Variants in ATG3 observed in about 807,000 individuals in gnomAD.
The protein encoded by ATG3 is autophagy related 3, also known as ubiquitin-like-conjugating enzyme ATG3.
ATG3 carries 25 observed loss-of-function variants against 50.7 expected under a neutral mutation model. The ratio of observed to expected loss-of-function variants is 0.49; its 90% CI spans 0.36 to 0.69. The LOEUF is 0.69. Among genes scored for constraint, ATG3 ranks in the 30% least tolerant of loss-of-function variants. The pLI is 0.00. For missense variants in ATG3, 281 were observed against 376.0 expected, an observed-to-expected ratio of 0.75 and a Z score of 2.09; for synonymous variants, 119 against 125.5, an observed-to-expected ratio of 0.95 and a Z score of 0.34.
chr3:112,540,631 G>GGA (rs1933199732), intron 7 of ATG3, among the ~76,000 whole-genome samples: 1 of 145,068 alleles, frequency 6.9e-6, no homozygotes, highest in African/African-American at 2.5e-5. Flanking sequence ...TAAGCAAGGG[G>GGA]AAAAAAAAAA....
At chr3:112,545,696 A>G (rs1380908120) in intron 5 of ATG3, among the ~76,000 whole-genome samples, 2 of 152,258 alleles carry the variant, frequency 1.3e-5, no homozygotes, top group Admixed American at 6.5e-5. Context: ...TCAAAATATA[A>G]TAAGTAGTAC....
intron 6 of ATG3, 74 bp downstream of exon 6, chr3:112,543,983 A>G (rs1933300530): frequency 1.9e-6 from 2 of 1,061,006 alleles, no homozygotes; most frequent in Non-Finnish European, 2.8e-6. Context: ...GTGATTATAT[A>G]TGTGTGTGTA....
rs1339298319 is a variant in ATG3, at chr3:112,561,718, G to A, written c.-190C>T. 3.7e-5 allele frequency: 22 copies of A among 599,244 alleles called. No homozygotes were observed. In the South Asian group the frequency reaches 4.6e-4, roughly 13 times the overall value. 37.1% of individuals were successfully genotyped at this position (599,244 alleles called of 1,614,324 possible). On this transcript the variant is annotated 5_prime_UTR_variant, in exon 1 of 12. Coordinates refer to ENST00000283290, the MANE Select transcript of ATG3 (RefSeq NM_022488.5). ...GGGCGGGGCGGCAGGCACAGCGCGC[G>A]AAGACGGGGTGCGCGATCCTCGCAC...
At position 112,553,261 on chromosome 3, in the gene ATG3, T is replaced by G; in HGVS notation, c.164+19A>C. On this transcript the variant is annotated intron_variant, in intron 3 of 11. Transcript: ENST00000283290. ...CATGCATTTTACTAATTTTCTATTC[T>G]TTACTCAATATTACTTACCATTGCC... 6.3e-7 allele frequency: 1 copy of G among 1,590,754 alleles called. No homozygotes were observed. Among genetic ancestry groups the G allele is most frequent in the Non-Finnish European group, 8.6e-7 (1 of 1,160,340 alleles).
intron 3 of ATG3, among the ~76,000 whole-genome samples, chr3:112,552,649 A>AT (rs1161759705): frequency 1.5e-3 from 210 of 144,358 alleles, no homozygotes; most frequent in South Asian, 2.8e-3. Context: ...CTGTTCAAAA[A>AT]TTTTTTTTTT....
At chr3:112,548,993 G>A (rs1933451419) in intron 4 of ATG3, among the ~76,000 whole-genome samples, 1 of 152,150 alleles carries the variant, frequency 6.6e-6, no homozygotes, top group Admixed American at 6.5e-5. Context: ...TTATTTTAAT[G>A]GCTTTACTTT....
intron 6 of ATG3, among the ~76,000 whole-genome samples, chr3:112,542,407 T>C (rs1218541457): frequency 6.6e-6 from 1 of 152,138 alleles, no homozygotes; most frequent in Admixed American, 6.5e-5. Flanking sequence ...ATATTAGCTC[T>C]AAAGTGAAAG....
chr3:112,534,363 G>C (rs1352970638), intron 10 of ATG3, 26 bp from the exon 11 acceptor site: 7 of 1,274,950 alleles, frequency 5.5e-6, no homozygotes, highest in Non-Finnish European at 7.6e-6. Context: ...AAAAAAAATT[G>C]TTAATGTAGA....
chr3:112,533,524 C>T (rs145300072), intron 11 of ATG3: 612 of 985,274 alleles, frequency 6.2e-4, no homozygotes, highest in Non-Finnish European at 7.1e-4. Context: ...CAATGCCCCA[C>T]AGTCTGATTA....
intron 4 of ATG3, among the ~76,000 whole-genome samples, chr3:112,549,899 C>T (rs1438427753): frequency 1.3e-5 from 2 of 151,370 alleles, no homozygotes; most frequent in African/African-American, 4.8e-5. Flanking sequence ...TTTTAGATGT[C>T]ATAGGTAGTA....
At chr3:112,535,100 A>C (rs1208449853) in intron 10 of ATG3, 1 of 152,144 alleles carries the variant, frequency 6.6e-6, no homozygotes, top group Non-Finnish European at 1.5e-5. Flanking sequence ...GAGTGATATC[A>C]AAGTTAGTAT....
intron 11 of ATG3, 89 bp from the exon 12 acceptor site, chr3:112,532,869 A>C: frequency 1.5e-6 from 2 of 1,344,338 alleles, no homozygotes; most frequent in Non-Finnish European, 1.9e-6. Flanking sequence ...TTAAGCCATT[A>C]ATTTCTCAAA....
intron 7 of ATG3, among the ~76,000 whole-genome samples, chr3:112,540,947 C>A (rs939571562): frequency 6.6e-6 from 1 of 152,110 alleles, no homozygotes; most frequent in African/African-American, 2.4e-5. Flanking sequence ...CTTTGAATAA[C>A]CATGTGCTCA....
rs1306349967 is a variant in ATG3 at position 112,536,491 on chromosome 3, A to C, written c.778T>G (p.Ser260Ala). Reference sequence around the variant, plus strand: ...TATACAGACCTGCATGGGTGAACTGAACACATGGGAGGTGGTGGCAGATGA... The same window carrying C: ...TATACAGACCTGCATGGGTGAACTGCACACATGGGAGGTGGTGGCAGATGA... ...HPHLPPPPMC[S>A]VHPCRHAEVM... is the part of the protein sequence containing the mutation. Residue 260 changes from serine (S) to alanine (A), a missense_variant, in exon 10 of 12, where the codon TCA (serine) becomes GCA (alanine). Physicochemically the swap from Ser to Ala is moderately conservative, Grantham distance 99 (BLOSUM62 1). Transcript: ENST00000283290. 2 of 1,613,724 alleles carry C rather than the reference A, an allele frequency of 1.2e-6. No individual in the cohort carries two copies. The highest frequency in any genetic ancestry group is 2.7e-5 in the African/African-American group (2 of 74,924).
At chr3:112,561,311 T>G in intron 1 of ATG3, 146 bp downstream of exon 1, 2 of 782,284 alleles carry the variant, frequency 2.6e-6, no homozygotes, top group East Asian at 5.5e-5. Flanking sequence ...AGACTACGGG[T>G]GGGGGCTGCA....
rs1293244979 is a variant in ATG3 at position 112,532,520 on chromosome 3, CTGA to C, written c.*176_*178del. Reference sequence around the variant, plus strand: ...AGACACAAGAAAAACTCTCTTTGCACTGATTTTTATTAAACAAGTAAGGCTGGT... The same window carrying C: ...AGACACAAGAAAAACTCTCTTTGCACTTTTTATTAAACAAGTAAGGCTGGT... On this transcript the variant is annotated 3_prime_UTR_variant, in exon 12 of 12. Transcript: ENST00000283290. 4.9e-6 allele frequency: 2 copies of C among 406,500 alleles called. No individual in the cohort carries two copies. The highest frequency in any genetic ancestry group is 8.4e-6 in the Non-Finnish European group (2 of 237,310). 25.2% of individuals were successfully genotyped at this position (406,500 alleles called of 1,614,324 possible).
At chr3:112,553,410 C>G in intron 2 of ATG3, 81 bp from the exon 3 acceptor site, 1 of 1,206,858 alleles carries the variant, frequency 8.3e-7, no homozygotes, top group Non-Finnish European at 1.2e-6. Flanking sequence ...GGCAAAATAC[C>G]AAACTGATGG....
At chr3:112,550,406 A>G (rs983604177) in intron 3 of ATG3, 144 bp from the exon 4 acceptor site, 1 of 635,778 alleles carries the variant, frequency 1.6e-6, no homozygotes, top group African/African-American at 1.9e-5. Flanking sequence ...GAAGGACTCC[A>G]TTAAGTAATA....
chr3:112,546,432 A>G (rs1191895976), intron 5 of ATG3, among the ~76,000 whole-genome samples: 1 of 152,192 alleles, frequency 6.6e-6, no homozygotes, highest in African/African-American at 2.4e-5. Flanking sequence ...AGGATAGCAG[A>G]TTTTATCATG....
Sources: gnomAD v4.1 joint callset for allele counts (sites outside exome capture counted in the v4.1 genomes callset) on GRCh38, gnomAD v4.1.1 for gene constraint, MANE v1.5 for transcripts, NCBI Gene and HGNC (gene_info 2026-07-23, HGNC 2026-07-21) for gene names.